ATOSA: variants seen among roughly 807,000 people sequenced by gnomAD.
ATOSA encodes the protein atos homolog protein A.
the ATOSA span, among the ~76,000 whole-genome samples, chr15:52,661,931 CAA>C: frequency 1.4e-5 from 1 of 73,256 alleles, no homozygotes; most frequent in East Asian, 5.2e-4. Flanking sequence ...CAAGCCAGGC[CAA>C]AAAAAAAAAA....
the ATOSA span, among the ~76,000 whole-genome samples, chr15:52,654,475 G>C: frequency 6.6e-6 from 1 of 152,128 alleles, no homozygotes; most frequent in Admixed American, 6.6e-5. Flanking sequence ...TAAATCTCAA[G>C]ACTACAAACT....
chr15:52,608,412 G>A, the ATOSA span, among the ~76,000 whole-genome samples: 1 of 152,110 alleles, frequency 6.6e-6, no homozygotes, highest in African/African-American at 2.4e-5. Flanking sequence ...TATTTGCAAG[G>A]ATGTTAATAC....
At chr15:52,672,377 T>C in the ATOSA span, among the ~76,000 whole-genome samples, 10 of 151,790 alleles carry the variant, frequency 6.6e-5, no homozygotes, top group East Asian at 1.3e-3. Flanking sequence ...AAGTCTAACA[T>C]GAGGAACTCT....
chr15:52,650,262 C>A, the ATOSA span, among the ~76,000 whole-genome samples: 1 of 152,148 alleles, frequency 6.6e-6, no homozygotes, highest in African/African-American at 2.4e-5. Context: ...AGCTGCTCTT[C>A]TTGAAGTGAG....
chr15:52,689,477 T>C, the ATOSA span, among the ~76,000 whole-genome samples: 1 of 152,220 alleles, frequency 6.6e-6, no homozygotes, highest in South Asian at 2.1e-4. Flanking sequence ...ATAAAATCAG[T>C]ATAGCTATTT....
At chr15:52,620,332 C>G in the ATOSA span, among the ~76,000 whole-genome samples, 1 of 152,130 alleles carries the variant, frequency 6.6e-6, no homozygotes, top group Non-Finnish European at 1.5e-5. Flanking sequence ...AGAATTTATT[C>G]TTTGTTCTCC....
the ATOSA span, among the ~76,000 whole-genome samples, chr15:52,637,989 T>C: frequency 6.6e-6 from 1 of 152,220 alleles, no homozygotes; most frequent in East Asian, 1.9e-4. Context: ...CTTTTTGTAA[T>C]GCCTAGCTAT....
At chr15:52,598,489 G>A in the ATOSA span, 1 of 152,254 alleles carries the variant, frequency 6.6e-6, no homozygotes. Context: ...CATTAAACAA[G>A]TCTAATGTGT....
chr15:52,679,919 G>C, the ATOSA span, among the ~76,000 whole-genome samples: 1 of 151,094 alleles, frequency 6.6e-6, no homozygotes, highest in Admixed American at 6.6e-5. Context: ...AATGTGACCG[G>C]GACGGGGGGT....
chr15:52,679,554 C>T, the ATOSA span, among the ~76,000 whole-genome samples: 1 of 152,122 alleles, frequency 6.6e-6, no homozygotes, highest in Non-Finnish European at 1.5e-5. Flanking sequence ...GGTGCGAGGG[C>T]GCTGGAGATG....
chr15:52,586,909 G>T, the ATOSA span: 1 of 586,124 alleles, frequency 1.7e-6, no homozygotes, highest in Non-Finnish European at 2.6e-6. Context: ...TCCTATTGAA[G>T]TTATGCAAAC....
chr15:52,595,134 G>T, the ATOSA span, among the ~76,000 whole-genome samples: 3 of 152,274 alleles, frequency 2.0e-5, no homozygotes, highest in African/African-American at 7.2e-5. Flanking sequence ...AAGCTCAAAT[G>T]ACAGCTCCTC....
chr15:52,663,926 T>TA, the ATOSA span, among the ~76,000 whole-genome samples: 1 of 152,176 alleles, frequency 6.6e-6, no homozygotes, highest in African/African-American at 2.4e-5. Flanking sequence ...TGGGAAATAT[T>TA]GTAGTTGAAA....
the ATOSA span, chr15:52,609,585 C>G: frequency 6.2e-7 from 1 of 1,613,144 alleles, no homozygotes; most frequent in African/African-American, 1.3e-5. Flanking sequence ...GTCGAATTTT[C>G]CCCTCATTGG....
chr15:52,694,008 A>C, the ATOSA span, among the ~76,000 whole-genome samples: 2 of 152,148 alleles, frequency 1.3e-5, no homozygotes, highest in Admixed American at 6.5e-5. Flanking sequence ...GGTTAAGTGC[A>C]CCATATGGTA....
chr15:52,589,136 T>C, the ATOSA span, among the ~76,000 whole-genome samples: 2 of 152,214 alleles, frequency 1.3e-5, no homozygotes, highest in African/African-American at 2.4e-5. Context: ...ATTTAAAGCA[T>C]GAAAAAAGCA....
the ATOSA span, among the ~76,000 whole-genome samples, chr15:52,621,483 C>T: frequency 6.6e-6 from 1 of 152,198 alleles, no homozygotes; most frequent in East Asian, 1.9e-4. Context: ...GTAACCTCTA[C>T]TAATATGGTT....
the ATOSA span, among the ~76,000 whole-genome samples, chr15:52,634,456 G>A: frequency 6.6e-6 from 1 of 151,526 alleles, no homozygotes; most frequent in Non-Finnish European, 1.5e-5. Flanking sequence ...TGTAAATAGC[G>A]GATTTAAGCC....
chr15:52,615,407 CCAAT>C, the ATOSA span, among the ~76,000 whole-genome samples: 1 of 152,118 alleles, frequency 6.6e-6, no homozygotes, highest in Non-Finnish European at 1.5e-5. Context: ...CTTATCTCGG[CCAAT>C]CAAGCAACAA....
Sources: allele counts gnomAD v4.1 joint callset (sites outside exome capture counted in the v4.1 genomes callset), GRCh38; gene constraint gnomAD v4.1.1; transcripts MANE v1.5; gene names NCBI Gene and HGNC (gene_info 2026-07-23, HGNC 2026-07-21).